DAB1: variants seen among roughly 807,000 people sequenced by gnomAD.
DAB1 encodes the protein DAB adaptor protein 1, also known as disabled homolog 1.
A neutral mutation model predicts 64.6 loss-of-function variants in DAB1; 15 were observed. The observed-to-expected ratio is 0.23, with a 90% CI of 0.16 to 0.36. DAB1 has a LOEUF of 0.36. Among genes scored for constraint, DAB1 ranks in the 10% least tolerant of loss-of-function variants. The probability of loss-of-function intolerance (pLI) is 1.00; values close to 1 mark genes in which losing one functional copy is unlikely to be tolerated. For synonymous variants in DAB1, 235 were observed against 251.9 expected, an observed-to-expected ratio of 0.93 and a Z score of 0.64; for missense variants, 596 against 706.7, an observed-to-expected ratio of 0.84 and a Z score of 1.78.
intron 6 of DAB1, among the ~76,000 whole-genome samples, chr1:57,820,883 G>A (rs1377333923): frequency 6.6e-6 from 1 of 152,170 alleles, no homozygotes; most frequent in East Asian, 1.9e-4. Context: ...AATAGCTTAT[G>A]AGCCTCCCAG....
Position 58,355,773 on chromosome 1 carries a change from CT to C in DAB1, n.258-12371del, listed in dbSNP as rs551212487. On this transcript the variant is annotated intron_variant and non_coding_transcript_variant, in intron 3 of 20. Transcript: ENST00000485760. The stretch of plus-strand genomic sequence containing the variant: ...GCTATTTCCCTCTTTTCTTGACTAA[CT>C]TTAGCTGCCATTCATACCTCCTGTG... Among the ~76,000 whole-genome samples, 18 of 152,264 alleles carry C rather than the reference CT, an allele frequency of 1.2e-4. 1 individual carries two copies. Among genetic ancestry groups the C allele is most frequent in the Admixed American group, 5.9e-4 (9 of 15,276 alleles).
intron 4 of DAB1, among the ~76,000 whole-genome samples, chr1:57,118,243 C>T (rs553784726): frequency 2.0e-5 from 3 of 152,216 alleles, no homozygotes; most frequent in Admixed American, 2.0e-4. Context: ...CGAACAGACT[C>T]TCTAATGACA....
intron 3 of DAB1, among the ~76,000 whole-genome samples, chr1:58,347,465 G>A (rs1043672331): frequency 6.6e-6 from 1 of 152,172 alleles, no homozygotes; most frequent in African/African-American, 2.4e-5. Flanking sequence ...TGACCTTGGT[G>A]GGAGATTGTC....
chr1:57,319,295 G>A (rs999149418), intron 1 of DAB1, among the ~76,000 whole-genome samples: 3 of 152,158 alleles, frequency 2.0e-5, no homozygotes, highest in African/African-American at 4.8e-5. Flanking sequence ...GGATGCATTG[G>A]TACCAGCAGC....
At chr1:57,409,351 C>T (rs1683915893) in intron 1 of DAB1, among the ~76,000 whole-genome samples, 1 of 152,192 alleles carries the variant, frequency 6.6e-6, no homozygotes, top group Non-Finnish European at 1.5e-5. Context: ...TATGGATCTC[C>T]TGGCTGTCAC....
chr1:58,001,269 G>A (rs1201727164), intron 5 of DAB1, among the ~76,000 whole-genome samples: 2 of 151,602 alleles, frequency 1.3e-5, no homozygotes, highest in African/African-American at 4.8e-5. Context: ...TTTTTTGTTT[G>A]TTTGTTTGTT....
At chr1:57,540,117 T>C (rs1644784112) in intron 7 of DAB1, among the ~76,000 whole-genome samples, 1 of 152,222 alleles carries the variant, frequency 6.6e-6, no homozygotes, top group African/African-American at 2.4e-5. Context: ...TTTTTAAAAT[T>C]GTGGTATTAC....
chr1:58,511,380 GT>G (rs1046534225), intron 2 of DAB1, among the ~76,000 whole-genome samples: 1 of 152,124 alleles, frequency 6.6e-6, no homozygotes, highest in Non-Finnish European at 1.5e-5. Flanking sequence ...AGGTATGGTG[GT>G]TCATATCTGT....
At chr1:58,347,516 G>A (rs1644013019) in intron 3 of DAB1, among the ~76,000 whole-genome samples, 1 of 152,158 alleles carries the variant, frequency 6.6e-6, no homozygotes, top group Non-Finnish European at 1.5e-5. Context: ...AGCCACCTGG[G>A]AAAGACAATC....
chr1:57,063,109 C>A (rs1650562809), intron 8 of DAB1, among the ~76,000 whole-genome samples, 166 bp from the exon 9 acceptor site: 1 of 152,130 alleles, frequency 6.6e-6, no homozygotes, highest in African/African-American at 2.4e-5. Flanking sequence ...AGCCAGGCTC[C>A]CTCCCTTAGG....
intron 3 of DAB1, chr1:58,474,023 A>C (rs1325886201): frequency 2.2e-6 from 2 of 921,124 alleles, no homozygotes; most frequent in Non-Finnish European, 3.1e-6. Context: ...TCCGAGTCAA[A>C]CTTCTACTTC....
At chr1:57,029,893 T>C (rs989938285) in intron 9 of DAB1, among the ~76,000 whole-genome samples, 5 of 152,186 alleles carry the variant, frequency 3.3e-5, no homozygotes, top group Admixed American at 2.0e-4. Flanking sequence ...AGATGAGACT[T>C]TGGACTGTGG....
intron 4 of DAB1, among the ~76,000 whole-genome samples, chr1:58,240,554 T>C (rs549271667): frequency 1.3e-5 from 2 of 152,356 alleles, no homozygotes; most frequent in African/African-American, 4.8e-5. Flanking sequence ...TTATTTAAAA[T>C]CTTGGTTACA....
intron 6 of DAB1, among the ~76,000 whole-genome samples, chr1:57,817,261 A>G (rs1651898389): frequency 6.6e-6 from 1 of 152,234 alleles, no homozygotes; most frequent in South Asian, 2.1e-4. Context: ...TCATTCAAAG[A>G]GAGAAGGCAA....
intron 5 of DAB1, among the ~76,000 whole-genome samples, chr1:57,940,813 C>G (rs754974964): frequency 1.7e-4 from 26 of 152,148 alleles, no homozygotes; most frequent in Non-Finnish European, 1.8e-4. Context: ...GTGTGAGGCT[C>G]CCTAGAGACA....
intron 2 of DAB1, among the ~76,000 whole-genome samples, chr1:57,262,678 G>A (rs759303700): frequency 2.6e-5 from 4 of 152,236 alleles, no homozygotes; most frequent in Non-Finnish European, 5.9e-5. Context: ...GATCACTGGT[G>A]TGATGCTTCC....
At chr1:57,515,781 A>T (rs181863931) in intron 7 of DAB1, among the ~76,000 whole-genome samples, 26 of 152,374 alleles carry the variant, frequency 1.7e-4, no homozygotes, top group Non-Finnish European at 3.1e-4. Flanking sequence ...AAGGATACAG[A>T]CATGATAAGG....
Position 58,469,709 on chromosome 1 carries a change from A to G in DAB1, n.257+36351T>C, listed in dbSNP as rs570377491. 6.6e-5 allele frequency among the ~76,000 whole-genome samples: 10 copies of G among 152,300 alleles called. No individual in the cohort carries two copies. The South Asian group carries it at 2.1e-3, about 32-fold the overall frequency. On this transcript the variant is annotated intron_variant and non_coding_transcript_variant, in intron 3 of 20. Transcript: ENST00000485760. ...AGCTCTCTGATTTATAGCAAACACC[A>G]TTATTGAGCGGTGGCAGGGAGAAGC...
rs72913192 is a variant in DAB1, at chr1:57,534,956, C to T, written n.625+114636G>A. Among the ~76,000 whole-genome samples, 484 of 152,072 alleles carry T rather than the reference C, an allele frequency of 3.2e-3. 4 individuals are homozygous for T. Among genetic ancestry groups the T allele is most frequent in the African/African-American group, 0.011 (459 of 41,484 alleles). On this transcript the variant is annotated intron_variant and non_coding_transcript_variant, in intron 7 of 20. Transcript: ENST00000485760. The stretch of plus-strand genomic sequence containing the variant: ...AGTCTTCTTAATTTCTGTAATAATC[C>T]CAGATGCTGCCACAGGTATTTGCAT...
Sources: gnomAD v4.1 joint callset for allele counts (sites outside exome capture counted in the v4.1 genomes callset) on GRCh38, gnomAD v4.1.1 for gene constraint, MANE v1.5 for transcripts, NCBI Gene and HGNC (gene_info 2026-07-23, HGNC 2026-07-21) for gene names.